The following LRP1B variants were observed in gnomAD, a reference collection of about 807,000 sequenced individuals.
The protein encoded by LRP1B is LDL receptor related protein 1B.
Under a neutral mutation model 556.6 loss-of-function variants are expected in LRP1B, and 217 were observed. The observed-to-expected ratio is 0.39, with a 90% confidence interval of 0.35 to 0.44. The LOEUF is 0.44. Among genes scored for constraint, LRP1B ranks in the 20% least tolerant of loss-of-function variants. LRP1B has a pLI of 1.00. For missense variants in LRP1B, 5,053 were observed against 5,620.8 expected (o/e 0.90, Z 3.23); for synonymous variants, 2,047 against 1,865.8 (o/e 1.10, Z -2.50).
chr2:141,219,140 C>T (rs558718177), intron 6 of LRP1B, among the ~76,000 whole-genome samples: 38 of 152,328 alleles, frequency 2.5e-4, no homozygotes, highest in African/African-American at 8.4e-4. Flanking sequence ...AAACTGAGAG[C>T]TGTGCAATCC....
chr2:140,873,872 T>C (rs1003138656), intron 25 of LRP1B, among the ~76,000 whole-genome samples: 1 of 151,802 alleles, frequency 6.6e-6, no homozygotes, highest in Non-Finnish European at 1.5e-5. Flanking sequence ...TTAAAGGTTA[T>C]GTATAAAAAA....
At chr2:141,576,757 A>G (rs1035645325) in intron 2 of LRP1B, among the ~76,000 whole-genome samples, 2 of 130,818 alleles carry the variant, frequency 1.5e-5, no homozygotes, top group African/African-American at 5.3e-5. Context: ...CTGTCTCAAA[A>G]AAAAAAAAAA....
chr2:141,597,904 T>A (rs1009682436), intron 2 of LRP1B, among the ~76,000 whole-genome samples: 1 of 151,990 alleles, frequency 6.6e-6, no homozygotes, highest in African/African-American at 2.4e-5. Flanking sequence ...GTTGTTTGTT[T>A]CTTTTTGGGA....
chr2:140,236,097 TTA>T (rs1465071209), intron 89 of LRP1B, among the ~76,000 whole-genome samples: 1 of 150,994 alleles, frequency 6.6e-6, no homozygotes, highest in Non-Finnish European at 1.5e-5. Context: ...AACTATAAAA[TTA>T]TGTCTAATTA....
At chr2:141,204,196 T>A (rs890104318) in intron 6 of LRP1B, among the ~76,000 whole-genome samples, 4 of 152,190 alleles carry the variant, frequency 2.6e-5, no homozygotes, top group Non-Finnish European at 5.9e-5. Context: ...GGTCATAAAA[T>A]GGCACAAGTT....
At chr2:140,632,652 A>G (rs1371756425) in intron 41 of LRP1B, among the ~76,000 whole-genome samples, 1 of 152,210 alleles carries the variant, frequency 6.6e-6, no homozygotes, top group Non-Finnish European at 1.5e-5. Flanking sequence ...ATATTAAACA[A>G]ACTGTGTCAA....
intron 31 of LRP1B, among the ~76,000 whole-genome samples, chr2:140,815,468 A>G (rs755305972): frequency 4.6e-5 from 7 of 151,946 alleles, no homozygotes; most frequent in Non-Finnish European, 1.0e-4. Context: ...CACCTCGCCT[A>G]GTTCTATTTT....
intron 1 of LRP1B, among the ~76,000 whole-genome samples, chr2:142,008,838 A>G (rs1184959289): frequency 6.6e-6 from 1 of 152,074 alleles, no homozygotes; most frequent in East Asian, 1.9e-4. Flanking sequence ...TTGGTATTTC[A>G]TATATTATTT....
chr2:141,226,267 C>A (rs532647418), intron 6 of LRP1B, among the ~76,000 whole-genome samples: 2 of 152,104 alleles, frequency 1.3e-5, no homozygotes, highest in Non-Finnish European at 2.9e-5. Flanking sequence ...CTTCTGCATT[C>A]TTTTTAGCCA....
intron 3 of LRP1B, among the ~76,000 whole-genome samples, chr2:141,290,791 T>C (rs1685912659): frequency 6.6e-6 from 1 of 152,138 alleles, no homozygotes; most frequent in Non-Finnish European, 1.5e-5. Flanking sequence ...AACTTCATGA[T>C]AAAGTGGATT....
intron 2 of LRP1B, among the ~76,000 whole-genome samples, chr2:141,761,111 G>T (rs188627711): frequency 6.6e-6 from 1 of 152,206 alleles, no homozygotes; most frequent in Non-Finnish European, 1.5e-5. Context: ...ATACAAGATG[G>T]TTAACCTCAT....
In LRP1B at chr2:141,381,912, G is replaced by C. The variant is rs149080240; in HGVS notation, c.343+98484C>G. ...ACCAACAGACTAAAGTCTCTTTGTGGGATCCTCAGAATTTAGGTACAAGAT... is the reference window on the plus strand; with the variant it reads ...ACCAACAGACTAAAGTCTCTTTGTGCGATCCTCAGAATTTAGGTACAAGAT... On this transcript the variant is annotated intron_variant, in intron 3 of 90. Transcript: ENST00000389484. 2.6e-3 allele frequency among the ~76,000 whole-genome samples: 390 copies of C among 151,824 alleles called. 1 individual carries two copies. The highest frequency in any genetic ancestry group is 9.0e-3 in the African/African-American group (370 of 41,182).
chr2:140,325,931 C>A, intron 79 of LRP1B, 53 bp from the exon 80 acceptor site: 2 of 1,118,252 alleles, frequency 1.8e-6, no homozygotes, highest in South Asian at 2.5e-5. Flanking sequence ...TGAAATCATT[C>A]AAAATCATAC....
chr2:140,730,514 T>TA (rs1687741563), intron 35 of LRP1B, among the ~76,000 whole-genome samples: 1 of 152,158 alleles, frequency 6.6e-6, no homozygotes, highest in Admixed American at 6.5e-5. Context: ...ATTAAACAGT[T>TA]ATAATACTTT....
intron 7 of LRP1B, among the ~76,000 whole-genome samples, chr2:141,085,442 C>T (rs1700027471): frequency 6.6e-6 from 1 of 152,094 alleles, no homozygotes; most frequent in South Asian, 2.1e-4. Flanking sequence ...TCTAATTAGA[C>T]TGATGTCCTT....
chr2:140,840,907 T>C lies in LRP1B; in HGVS notation c.5114+11A>G, dbSNP rs1441879689. On this transcript the variant is annotated intron_variant, in intron 30 of 90. Transcript: ENST00000389484. Reference sequence around the variant, plus strand: ...TTTTGGAAAAACTTTAAAAAAAAAATCATACTTTACCCCCTGACTGGGTGA... The same window carrying C: ...TTTTGGAAAAACTTTAAAAAAAAAACCATACTTTACCCCCTGACTGGGTGA... 2 of 1,520,046 alleles carry C rather than the reference T, an allele frequency of 1.3e-6. No individual in the cohort carries two copies. The highest frequency in any genetic ancestry group is 2.5e-5 in the South Asian group (2 of 79,784). The allele number at this position is 1,520,046 out of a possible 1,614,324, so 94.2% of individuals were successfully genotyped here.
intron 2 of LRP1B, among the ~76,000 whole-genome samples, chr2:141,737,869 T>G (rs1693548746): frequency 6.6e-6 from 1 of 152,164 alleles, no homozygotes; most frequent in Non-Finnish European, 1.5e-5. Context: ...AAAATCTCAT[T>G]TCTTTTTAGT....
intron 81 of LRP1B, among the ~76,000 whole-genome samples, chr2:140,323,442 A>AAATTTCCTTC (rs1269980204): frequency 5.9e-5 from 9 of 151,910 alleles, no homozygotes; most frequent in African/African-American, 1.9e-4. Flanking sequence ...GGCTAACAAT[A>AAATTTCCTTC]AATTTCCTTC....
chr2:140,492,100 C>T (rs2104861162), intron 57 of LRP1B, among the ~76,000 whole-genome samples: 1 of 152,138 alleles, frequency 6.6e-6, no homozygotes, highest in East Asian at 1.9e-4. Flanking sequence ...TTATTTTTAA[C>T]CTGTGACATA....
Sources: gnomAD v4.1 joint callset for allele counts (sites outside exome capture counted in the v4.1 genomes callset) on GRCh38, gnomAD v4.1.1 for gene constraint, MANE v1.5 for transcripts, NCBI Gene and HGNC (gene_info 2026-07-23, HGNC 2026-07-21) for gene names.